The following MAF variants were observed in gnomAD, a reference collection of about 807,000 sequenced individuals.
MAF encodes transcription factor Maf.
MAF carries 10 observed loss-of-function variants against 22.0 expected under a neutral mutation model. The ratio of observed to expected loss-of-function variants is 0.45; its 90% CI spans 0.28 to 0.77. The LOEUF (loss-of-function observed/expected upper bound fraction) is 0.77. MAF is among the 30% of genes least tolerant of loss of function. MAF has a pLI of 0.12. For synonymous variants in MAF, 337 were observed against 255.8 expected, an observed-to-expected ratio of 1.32 and a Z score of -3.03; for missense variants, 544 against 548.4, an observed-to-expected ratio of 0.99 and a Z score of 0.08.
At chr16:79,511,553 G>A in the MAF span, among the ~76,000 whole-genome samples, 1 of 152,182 alleles carries the variant, frequency 6.6e-6, no homozygotes, top group Non-Finnish European at 1.5e-5. Context: ...AATGCATTTA[G>A]AGCCAGGAGA....
the MAF span, among the ~76,000 whole-genome samples, chr16:79,372,686 T>G: frequency 6.6e-6 from 1 of 152,104 alleles, no homozygotes; most frequent in Non-Finnish European, 1.5e-5. Flanking sequence ...TATTGAGAAA[T>G]TTCATGTTTG....
the MAF span, among the ~76,000 whole-genome samples, chr16:79,518,269 T>C: frequency 6.6e-6 from 1 of 152,206 alleles, no homozygotes; most frequent in East Asian, 1.9e-4. Flanking sequence ...CAGTGCATGA[T>C]ACTGGCAAAG....
the MAF span, among the ~76,000 whole-genome samples, chr16:79,577,459 T>G: frequency 5.9e-5 from 9 of 152,154 alleles, no homozygotes; most frequent in African/African-American, 2.2e-4. Flanking sequence ...GTGAAGGAGA[T>G]TAGAATATCT....
the MAF span, among the ~76,000 whole-genome samples, chr16:79,207,081 C>G: frequency 1.3e-5 from 2 of 152,130 alleles, no homozygotes; most frequent in Non-Finnish European, 2.9e-5. Flanking sequence ...GGGAGTGTTA[C>G]TGGGAGACAG....
At chr16:79,419,711 A>G in the MAF span, among the ~76,000 whole-genome samples, 13 of 152,344 alleles carry the variant, frequency 8.5e-5, no homozygotes, top group Middle Eastern at 3.4e-3. Flanking sequence ...GCCACAATTC[A>G]GAAGAAAACC....
chr16:79,361,312 G>A, the MAF span, among the ~76,000 whole-genome samples: 244 of 152,210 alleles, frequency 1.6e-3, 4 homozygotes, highest in African/African-American at 5.4e-3. Flanking sequence ...CCTCCTCTAG[G>A]TGTACCCAGG....
At chr16:79,537,812 C>A in the MAF span, among the ~76,000 whole-genome samples, 2 of 152,254 alleles carry the variant, frequency 1.3e-5, no homozygotes, top group Admixed American at 1.3e-4. Flanking sequence ...GAATGTGAAA[C>A]CTCTGAACCT....
At chr16:79,224,223 C>T in the MAF span, among the ~76,000 whole-genome samples, 5 of 152,242 alleles carry the variant, frequency 3.3e-5, no homozygotes, top group Admixed American at 1.3e-4. Context: ...AATCAGTAAA[C>T]GTAATCCATC....
At chr16:79,497,796 A>G in the MAF span, among the ~76,000 whole-genome samples, 1 of 152,182 alleles carries the variant, frequency 6.6e-6, no homozygotes, top group East Asian at 1.9e-4. Flanking sequence ...AAGCCTCTGA[A>G]TTTTTCCCAG....
the MAF span, among the ~76,000 whole-genome samples, chr16:79,226,921 T>C: frequency 4.6e-5 from 7 of 152,026 alleles, no homozygotes; most frequent in African/African-American, 1.7e-4. Flanking sequence ...TACTCTTGAG[T>C]TGACATACTG....
chr16:79,241,550 A>T, the MAF span, among the ~76,000 whole-genome samples: 1 of 152,100 alleles, frequency 6.6e-6, no homozygotes, highest in African/African-American at 2.4e-5. Context: ...ATGTGAAAAG[A>T]CCAAATCTAC....
chr16:79,522,006 G>A, the MAF span, among the ~76,000 whole-genome samples: 2 of 152,192 alleles, frequency 1.3e-5, no homozygotes, highest in Non-Finnish European at 2.9e-5. Context: ...GCAATTGCAA[G>A]AAAATGGAGT....
chr16:79,361,193 A>G, the MAF span, among the ~76,000 whole-genome samples: 1 of 152,176 alleles, frequency 6.6e-6, no homozygotes, highest in Non-Finnish European at 1.5e-5. Context: ...AGTTGACACC[A>G]GGGATCTGTG....
At chr16:79,490,156 T>C in the MAF span, among the ~76,000 whole-genome samples, 1 of 152,214 alleles carries the variant, frequency 6.6e-6, no homozygotes, top group Non-Finnish European at 1.5e-5. Context: ...GGGCCAACGA[T>C]GACCCATCAG....
the MAF span, among the ~76,000 whole-genome samples, chr16:79,423,615 T>C: frequency 9.4e-4 from 143 of 152,344 alleles, 1 homozygote; most frequent in Non-Finnish European, 1.7e-3. Flanking sequence ...TTTAGTGTTA[T>C]AATAGCAGAA....
chr16:79,426,384 C>A, the MAF span, among the ~76,000 whole-genome samples: 1 of 152,096 alleles, frequency 6.6e-6, no homozygotes, highest in Non-Finnish European at 1.5e-5. Context: ...CTAACTGTTT[C>A]TTTTTACTTT....
At chr16:79,325,196 A>C in the MAF span, among the ~76,000 whole-genome samples, 1 of 152,088 alleles carries the variant, frequency 6.6e-6, no homozygotes, top group Non-Finnish European at 1.5e-5. Context: ...GGGGTGGGGG[A>C]ACACCGTTCA....
At chr16:79,575,721 A>C in the MAF span, among the ~76,000 whole-genome samples, 1 of 152,184 alleles carries the variant, frequency 6.6e-6, no homozygotes, top group Non-Finnish European at 1.5e-5. Context: ...CTTCATCCCC[A>C]ATTTTTCCCG....
chr16:79,512,493 A>G, the MAF span, among the ~76,000 whole-genome samples: 1 of 152,076 alleles, frequency 6.6e-6, no homozygotes, highest in Non-Finnish European at 1.5e-5. Flanking sequence ...ATCCAGGCCC[A>G]TCTCCAGGTG....
Sources: gnomAD v4.1 joint callset for allele counts (sites outside exome capture counted in the v4.1 genomes callset) on GRCh38, gnomAD v4.1.1 for gene constraint, MANE v1.5 for transcripts, NCBI Gene and HGNC (gene_info 2026-07-23, HGNC 2026-07-21) for gene names.